Variants in RIN1 observed in about 807,000 individuals in gnomAD.
RIN1 encodes ras inhibitor 1.
Under a neutral mutation model 64.9 loss-of-function variants are expected in RIN1, and 52 were observed. The ratio of observed to expected loss-of-function variants is 0.80; its 90% confidence interval spans 0.64 to 1.01. The LOEUF is 1.01. RIN1 is among the 50% of genes least tolerant of loss of function. RIN1 has a pLI of 0.00. For synonymous variants in RIN1, 486 were observed against 483.6 expected (o/e 1.00, Z -0.06); for missense variants, 1,040 against 1,064.5 (o/e 0.98, Z 0.32).
chr11:66,336,196 G>A, intron 1 of RIN1, 38 bp from the exon 2 acceptor site: 1 of 1,480,656 alleles, frequency 6.8e-7, no homozygotes. Context: ...GGGAGCCAGG[G>A]GCTGGGACCC....
intron 6 of RIN1, 37 bp downstream of exon 6, chr11:66,334,476 TG>T: frequency 1.3e-6 from 2 of 1,586,694 alleles, no homozygotes; most frequent in South Asian, 1.2e-5. Context: ...GAGGGTCGGA[TG>T]GGGCAGTGCT....
chr11:66,334,489 G>A, intron 6 of RIN1, 25 bp downstream of exon 6: 3 of 1,591,502 alleles, frequency 1.9e-6, no homozygotes, highest in Non-Finnish European at 2.6e-6. Context: ...GGCAGTGCTG[G>A]AGCTATGGAG....
Position 66,332,622 on chromosome 11 carries a change from T to C in RIN1, c.2006A>G (p.Asn669Ser). 6.2e-7 allele frequency: 1 copy of C among 1,603,088 alleles called. No homozygotes were observed. The highest frequency in any genetic ancestry group is 8.5e-7 in the Non-Finnish European group (1 of 1,173,476). ...CATKFRVTQP[N>S]TFGLFLYKEQ... is the part of the protein sequence containing the mutation. ...CTTGTACAGGAAGAGGCCAAAAGTG[T>C]TGGGCTGGGTCACTCGGAACTTGGT... is the stretch of plus-strand genomic sequence containing the variant. Residue 669 changes from asparagine (N) to serine (S), a missense_variant, in exon 10 of 10, where the codon AAC becomes AGC. Physicochemically the swap from Asn to Ser is conservative, Grantham distance 46. Transcript: ENST00000311320.
Position 66,336,362 on chromosome 11 carries a change from G to A in RIN1, c.41C>T (p.Ala14Val). ...AGTAGTGAAGCTGGACGGGCTGGGG[G>A]CTCCAGGAGAGCCCGCGCCTGACTC... is the stretch of plus-strand genomic sequence containing the variant. The part of the protein sequence containing the change: ...PGESGAGSPG[A>V]PSPSSFTTGH... Residue 14 changes from alanine to valine, a missense_variant, in exon 1 of 10, where the codon GCC becomes GTC. Coordinates refer to ENST00000311320, the MANE Select transcript of RIN1 (RefSeq NM_004292.3). The A allele has an allele frequency of 6.2e-7, 1 of 1,613,704 alleles. No homozygotes were observed. Among genetic ancestry groups the A allele is most frequent in the Non-Finnish European group, 8.5e-7 (1 of 1,179,850 alleles).
At position 66,334,203 on chromosome 11, in the gene RIN1, A is replaced by G; in HGVS notation, c.1307T>C (p.Leu436Ser). The part of the protein sequence containing the change: ...KRLEHVLEKS[L>S]HCSVLKPLRP... ...GAGAGGCTTGAGCACAGAGCAATGC[A>G]ATGACTTCTCCAGGACATGTTCTGC... Residue 436 changes from leucine to serine, a missense_variant, in exon 7 of 10, where the codon TTG becomes TCG. Physicochemically the swap from Leu to Ser is moderately radical, Grantham distance 145 (BLOSUM62 -2). Coordinates refer to ENST00000311320, the MANE Select transcript of RIN1 (RefSeq NM_004292.3). The G allele has an allele frequency of 6.7e-7, 1 of 1,493,570 alleles. No individual in the cohort carries two copies. The highest frequency in any genetic ancestry group is 2.4e-5 in the East Asian group (1 of 41,920). 92.5% of individuals were successfully genotyped at this position (1,493,570 alleles called of 1,614,324 possible).
Position 66,334,525 on chromosome 11 carries a change from G to A in RIN1, c.1274C>T (p.Pro425Leu). 1 of 1,595,872 alleles carries A rather than the reference G, an allele frequency of 6.3e-7. No individual in the cohort carries two copies. Among genetic ancestry groups the A allele is most frequent in the Non-Finnish European group, 8.5e-7 (1 of 1,172,748 alleles). ...AGACGGAGCCTCACCCAGCCTCTTA[G>A]GCGACAGCAGCTTCTCAGGGCCCAG... ...AELGPEKLLSPKRLEHVLEKS... is the reference protein window; with the variant it reads ...AELGPEKLLSLKRLEHVLEKS... The change falls in exon 6 of 10, where the codon CCT becomes CTT. Residue 425 changes from proline to leucine, a missense_variant. Transcript: ENST00000311320.
At chr11:66,336,270 C>T (rs368229113) in intron 1 of RIN1, 47 bp downstream of exon 1, 15 of 1,550,888 alleles carry the variant, frequency 9.7e-6, no homozygotes, top group African/African-American at 2.7e-5. Flanking sequence ...GCCCTCCTCT[C>T]GCAGCCCCTC....
Position 66,331,030 on chromosome 11 carries a change from C to T in RIN1, c.*1246G>A, listed in dbSNP as rs528158040. The T allele has an allele frequency of 9.8e-5, 15 of 152,702 alleles. No homozygotes were observed. Among genetic ancestry groups the T allele is most frequent in the African/African-American group, 3.6e-4 (15 of 41,610 alleles). 9.5% of individuals were successfully genotyped at this position (152,702 alleles called of 1,614,324 possible). On this transcript the variant is annotated 3_prime_UTR_variant, in exon 10 of 10. Transcript: ENST00000311320. The stretch of plus-strand genomic sequence containing the variant: ...GCTGTCCCCAGGTTGCCTGATGCTG[C>T]TGGACTGCAAGGCCCGGGACCCCCT...
chr11:66,335,614 T>A lies in RIN1; in HGVS notation c.451A>T (p.Thr151Ser), dbSNP rs1450444685. ...GCACCCTGCGGGCAGACTCACCGGG[T>A]GTGGCAGTAGGCACAGATGAGCTGG... ...LVQLICAYCH[T>S]RDILLLPLQL... The change falls in exon 4 of 10, where the codon ACC (threonine) becomes TCC (serine). Residue 151 changes from threonine (T) to serine (S), a missense_variant. By Grantham distance (58) the Thr-to-Ser change is moderately conservative. Transcript: ENST00000311320. The A allele has an allele frequency of 6.2e-7, 1 of 1,613,588 alleles. No homozygotes were observed. The highest frequency in any genetic ancestry group is 8.5e-7 in the Non-Finnish European group (1 of 1,179,838).
At position 66,333,862 on chromosome 11, in the gene RIN1, G is replaced by A. The variant is rs562132198; in HGVS notation, c.1591+57C>T. 2.4e-4 allele frequency: 346 copies of A among 1,461,988 alleles called. 2 individuals carry two copies. The South Asian group carries it at 4.7e-3, about 20-fold the overall frequency. 90.6% of individuals were successfully genotyped at this position (1,461,988 alleles called of 1,614,324 possible). A position where few individuals can be genotyped will look rare whatever the true frequency, so the allele number is the denominator to read the frequency against. On this transcript the variant is annotated intron_variant, in intron 7 of 9. Coordinates refer to ENST00000311320, the MANE Select transcript of RIN1 (RefSeq NM_004292.3). ...TAGGGTCCTGGGGACCTGCCGCTGG[G>A]GGGCCCGCCTCTGACTCAAAGGGGC... is the stretch of plus-strand genomic sequence containing the variant.
chr11:66,334,539 C>T lies in RIN1; in HGVS notation c.1260G>A (p.Glu420=), dbSNP rs1316844106. ...RAMLSAELGP[E]KLLSPKRLEH... is the part of the protein sequence containing the mutation. Reference sequence around the variant, plus strand: ...CCAGCCTCTTAGGCGACAGCAGCTTCTCAGGGCCCAGCTCCGCACTCAGCA... The same window carrying T: ...CCAGCCTCTTAGGCGACAGCAGCTTTTCAGGGCCCAGCTCCGCACTCAGCA... Residue 420 remains glutamate, a synonymous_variant, in exon 6 of 10, where the codon GAG becomes GAA. Coordinates refer to ENST00000311320, the MANE Select transcript of RIN1 (RefSeq NM_004292.3). 2 of 1,594,238 alleles carry T rather than the reference C, an allele frequency of 1.3e-6. No individual in the cohort carries two copies. Among genetic ancestry groups the T allele is most frequent in the Non-Finnish European group, 1.7e-6 (2 of 1,171,936 alleles).
Position 66,334,901 on chromosome 11 carries a change from C to T in RIN1, c.898G>A (p.Gly300Ser). 3.2e-6 allele frequency: 5 copies of T among 1,578,588 alleles called. No individual in the cohort carries two copies. The highest frequency in any genetic ancestry group is 4.3e-6 in the Non-Finnish European group (5 of 1,161,864). Residue 300 changes from glycine (G) to serine (S), a missense_variant, in exon 6 of 10, where the codon GGC becomes AGC. By Grantham distance (56) the Gly-to-Ser change is moderately conservative. Coordinates refer to ENST00000311320, the MANE Select transcript of RIN1 (RefSeq NM_004292.3). ...ATAGGCGGAAGGCTAGGGCCACTGC[C>T]TGCTGGCACGCGGTACCCCACTGAG... The part of the protein sequence containing the change: ...ESSVGYRVPA[G>S]SGPSLPPMPS...
Position 66,333,355 on chromosome 11 carries a change from C to T in RIN1, c.1778G>A (p.Gly593Asp), listed in dbSNP as rs530888270. The change falls in exon 9 of 10, where the codon GGT (glycine) becomes GAT (aspartate). Residue 593 changes from glycine (G) to aspartate (D), a missense_variant. Coordinates refer to ENST00000311320, the MANE Select transcript of RIN1 (RefSeq NM_004292.3). Reference protein sequence around the residue: ...SASLALLSGLGQAHTLPLSPV... With the variant: ...SASLALLSGLDQAHTLPLSPV... ...GCTCAGTGGGAGGGTGTGGGCCTGA[C>T]CCAGGCCACTCAGCAGGGCCAGGCT... 26 of 1,612,932 alleles carry T rather than the reference C, an allele frequency of 1.6e-5. No individual in the cohort carries two copies. In the African/African-American group the frequency reaches 2.5e-4, roughly 16 times the overall value.
At chr11:66,334,418 T>C (rs1854821546) in intron 6 of RIN1, 96 bp downstream of exon 6, 7 of 1,485,228 alleles carry the variant, frequency 4.7e-6, no homozygotes, top group Middle Eastern at 4.0e-4. Context: ...GATGGATTTG[T>C]AAAGCAGCAG....
chr11:66,335,417 A>G lies in RIN1; in HGVS notation c.537T>C (p.His179=). The change falls in exon 5 of 10, where the codon CAT becomes CAC. Residue 179 remains histidine, a synonymous_variant. Transcript: ENST00000311320. ...GCAGGAAGCCCTTACCAATGCCCAG[A>G]TGGGAGATGGCCTCCAGCTCTTTGT... ...ATHKELEAIS[H]LGIEFWSSSL... is the part of the protein sequence containing the mutation. The G allele has an allele frequency of 6.2e-7, 1 of 1,611,054 alleles. No homozygotes were observed. Among genetic ancestry groups the G allele is most frequent in the Non-Finnish European group, 8.5e-7 (1 of 1,177,892 alleles).
chr11:66,336,746 T>A, upstream of RIN1: 1 of 276,448 alleles, frequency 3.6e-6, no homozygotes, highest in Non-Finnish European at 6.9e-6. Flanking sequence ...TGGGGGCACC[T>A]TTGGCTCTGT....
intron 3 of RIN1, 27 bp from the exon 4 acceptor site, chr11:66,335,709 T>C (rs1353559364): frequency 1.2e-6 from 2 of 1,612,096 alleles, no homozygotes; most frequent in African/African-American, 2.7e-5. Flanking sequence ...GTGAGGTGCT[T>C]CTCTGGGGAA....
At position 66,335,875 on chromosome 11, in the gene RIN1, G is replaced by A. The variant is rs139390679; in HGVS notation, c.269C>T (p.Thr90Met). The part of the protein sequence containing the change: ...LHMLRTEPPG[T>M]FLVRKSNTRQ... ...GGTGTTAGATTTCCGCACGAGGAACGTCTGCAAGTGGATAGGGCTCAGGCA... is the reference window on the plus strand; with the variant it reads ...GGTGTTAGATTTCCGCACGAGGAACATCTGCAAGTGGATAGGGCTCAGGCA... Residue 90 changes from threonine to methionine, a missense_variant and splice_region_variant, in exon 3 of 10, where the codon ACG (threonine) becomes ATG (methionine). By Grantham distance (81) the Thr-to-Met change is moderately conservative (BLOSUM62 -1). Transcript: ENST00000311320. The A allele has an allele frequency of 5.8e-6, 9 of 1,564,692 alleles. No homozygotes were observed. Among genetic ancestry groups the A allele is most frequent in the Middle Eastern group, 1.7e-4 (1 of 5,840 alleles).
Position 66,335,515 on chromosome 11 carries a change from G to T in RIN1, c.456-17C>A, listed in dbSNP as rs1222756872. Reference sequence around the variant, plus strand: ...AGGATGTCCCTGAGGCCAGAGAGGGGAGCAGAAGGGAGTGAGGGCCGAAGA... The same window carrying T: ...AGGATGTCCCTGAGGCCAGAGAGGGTAGCAGAAGGGAGTGAGGGCCGAAGA... On this transcript the variant is annotated splice_polypyrimidine_tract_variant and intron_variant, in intron 4 of 9. Coordinates refer to ENST00000311320, the MANE Select transcript of RIN1 (RefSeq NM_004292.3). 1 of 1,613,466 alleles carries T rather than the reference G, an allele frequency of 6.2e-7. No individual in the cohort carries two copies.
Sources: gnomAD v4.1 joint callset for allele counts on GRCh38, gnomAD v4.1.1 for gene constraint, MANE v1.5 for transcripts, NCBI Gene and HGNC (gene_info 2026-07-23, HGNC 2026-07-21) for gene names.